The following MEIOC variants were observed in gnomAD, a reference collection of about 807,000 sequenced individuals.
MEIOC encodes the protein meiosis-specific coiled-coil domain-containing protein MEIOC.
A neutral mutation model predicts 85.3 loss-of-function variants in MEIOC; 9 were observed. That is an observed-to-expected ratio of 0.11 (90% confidence interval 0.06 to 0.18). The LOEUF is 0.18. MEIOC is among the 10% of genes least tolerant of loss of function. The pLI, the probability that MEIOC is intolerant of heterozygous loss-of-function variation, is 1.00. For missense variants in MEIOC, 898 were observed against 1,129.4 expected, an observed-to-expected ratio of 0.80 and a Z score of 2.94; for synonymous variants, 365 against 393.7, an observed-to-expected ratio of 0.93 and a Z score of 0.86.
At chr17:44,671,681 C>T (rs1972013283) in intron 6 of MEIOC, among the ~76,000 whole-genome samples, 1 of 151,906 alleles carries the variant, frequency 6.6e-6, no homozygotes, top group Non-Finnish European at 1.5e-5. Flanking sequence ...CCAAGGTGGG[C>T]GGATCACAAG....
chr17:44,665,257 T>C, intron 3 of MEIOC, 127 bp from the exon 4 acceptor site: 2 of 874,378 alleles, frequency 2.3e-6, no homozygotes, highest in African/African-American at 1.7e-5. Context: ...AGTTCTAGTC[T>C]CTTCTTTATT....
intron 2 of MEIOC, among the ~76,000 whole-genome samples, chr17:44,661,463 A>G (rs1046482598): frequency 6.6e-6 from 1 of 152,170 alleles, no homozygotes; most frequent in Non-Finnish European, 1.5e-5. Flanking sequence ...ACTGGATATG[A>G]TAATATATGT....
At chr17:44,671,467 T>C (rs1408661703) in intron 6 of MEIOC, among the ~76,000 whole-genome samples, 1 of 151,502 alleles carries the variant, frequency 6.6e-6, no homozygotes, top group African/African-American at 2.4e-5. Context: ...GGAGGATCAC[T>C]TGAGCCTGGG....
rs1972059453 is a variant in MEIOC, at chr17:44,675,187, G to A, written c.*991G>A. 2.0e-6 allele frequency: 2 copies of A among 984,484 alleles called. No individual in the cohort carries two copies. Among genetic ancestry groups the A allele is most frequent in the Admixed American group, 6.2e-5 (1 of 16,188 alleles). The allele number at this position is 984,484 out of a possible 1,614,324, so 61.0% of individuals were successfully genotyped here. A position where few individuals can be genotyped will look rare whatever the true frequency, so the allele number is the denominator to read the frequency against. ...AAGTTCTAAAATGTATTTTTTAAAG[G>A]TTAATCTCTAACTAGTTTAGCTTGC... On this transcript the variant is annotated 3_prime_UTR_variant, in exon 8 of 8. Transcript: ENST00000409122.
intron 7 of MEIOC, 52 bp from the exon 8 acceptor site, chr17:44,673,924 A>G: frequency 6.6e-7 from 1 of 1,522,626 alleles, no homozygotes; most frequent in Non-Finnish European, 8.9e-7. Flanking sequence ...AAGATTTAAC[A>G]GATATTTAAA....
intron 6 of MEIOC, among the ~76,000 whole-genome samples, chr17:44,672,797 G>T (rs2144677306): frequency 6.6e-6 from 1 of 152,256 alleles, no homozygotes; most frequent in East Asian, 1.9e-4. Flanking sequence ...AGTTTTGACA[G>T]TTACAGGAGT....
Position 44,667,063 on chromosome 17 carries a change from G to A in MEIOC, c.1152G>A (p.Glu384=). 6.2e-7 allele frequency: 1 copy of A among 1,613,740 alleles called. No homozygotes were observed. Residue 384 remains glutamate (E), a synonymous_variant, in exon 5 of 8, where the codon GAG becomes GAA. Transcript: ENST00000409122. ...VKPANQKKME[E]TIPDQQNFTF... is the part of the protein sequence containing the mutation. ...CAGCGAATCAGAAAAAAATGGAGGA[G>A]ACAATCCCTGATCAGCAGAATTTCA... is the stretch of plus-strand genomic sequence containing the variant.
intron 3 of MEIOC, among the ~76,000 whole-genome samples, chr17:44,662,683 G>T (rs914878953): frequency 9.2e-5 from 14 of 152,094 alleles, no homozygotes; most frequent in Admixed American, 9.2e-4. Context: ...ACAGGGTCTC[G>T]CTCTGTCACC....
chr17:44,666,616 A>G lies in MEIOC; in HGVS notation c.705A>G (p.Gln235=). 1.2e-6 allele frequency: 2 copies of G among 1,611,252 alleles called. No individual in the cohort carries two copies. The highest frequency in any genetic ancestry group is 1.7e-6 in the Non-Finnish European group (2 of 1,178,528). The change falls in exon 5 of 8, where the codon CAA becomes CAG. Residue 235 remains glutamine (Q), a synonymous_variant. Coordinates refer to ENST00000409122, the MANE Select transcript of MEIOC (RefSeq NM_001145080.3). The part of the protein sequence containing the change: ...HGFTGLDLEE[Q]WMYPSRSDHS... ...TTACTGGTTTAGATCTTGAAGAACA[A>G]TGGATGTACCCCTCACGAAGTGATC...
In MEIOC at chr17:44,667,572, A is replaced by G. The variant is rs377221459; in HGVS notation, c.1661A>G (p.Glu554Gly). ...SSFDFSYSGA[E>G]RIQSVNHIEG... is the part of the protein sequence containing the mutation. ...TTTGATTTTAGTTACAGTGGTGCAGAAAGAATCCAATCTGTCAATCACATA... is the reference window on the plus strand; with the variant it reads ...TTTGATTTTAGTTACAGTGGTGCAGGAAGAATCCAATCTGTCAATCACATA... Residue 554 changes from glutamate to glycine, a missense_variant, in exon 5 of 8, where the codon GAA becomes GGA. Physicochemically the swap from Glu to Gly is moderately conservative, Grantham distance 98. Coordinates refer to ENST00000409122, the MANE Select transcript of MEIOC (RefSeq NM_001145080.3). The G allele has an allele frequency of 1.2e-6, 2 of 1,613,790 alleles. No homozygotes were observed. The highest frequency in any genetic ancestry group is 2.7e-5 in the African/African-American group (2 of 74,942).
intron 6 of MEIOC, among the ~76,000 whole-genome samples, chr17:44,671,671 C>A (rs902197139): frequency 2.3e-4 from 35 of 152,148 alleles, no homozygotes; most frequent in Non-Finnish European, 4.6e-4. Context: ...CTTTGGGAGG[C>A]CAAGGTGGGC....
At position 44,656,522 on chromosome 17, in the gene MEIOC, T is replaced by C; in HGVS notation, c.-92T>C. On this transcript the variant is annotated 5_prime_UTR_variant, in exon 1 of 8. Coordinates refer to ENST00000409122, the MANE Select transcript of MEIOC (RefSeq NM_001145080.3). The stretch of plus-strand genomic sequence containing the variant: ...GGAGGCGGCTGCGGAGACGGCGGGG[T>C]GCGGGCTGAGGGAGCCGGGCCTGGA... 1.9e-6 allele frequency: 2 copies of C among 1,048,848 alleles called. No individual in the cohort carries two copies. The highest frequency in any genetic ancestry group is 2.5e-6 in the Non-Finnish European group (2 of 789,692). The allele number at this position is 1,048,848 out of a possible 1,614,324, so 65.0% of individuals were successfully genotyped here. A position where few individuals can be genotyped will look rare whatever the true frequency, so the allele number is the denominator to read the frequency against.
chr17:44,673,348 T>G lies in MEIOC; in HGVS notation c.2458-18T>G, dbSNP rs1419265527. The G allele has an allele frequency of 5.9e-6, 9 of 1,520,372 alleles. No individual in the cohort carries two copies. In the South Asian group the frequency reaches 1.0e-4, roughly 17 times the overall value. The allele number at this position is 1,520,372 out of a possible 1,614,324, so 94.2% of individuals were successfully genotyped here. On this transcript the variant is annotated intron_variant, in intron 6 of 7. Transcript: ENST00000409122. ...ATGGCAGGACATGTCTTATCAAAAT[T>G]TAAAATGCTTCCCTCAGGTTGTGAC... is the stretch of plus-strand genomic sequence containing the variant.
intron 6 of MEIOC, chr17:44,670,665 A>G (rs921081438): frequency 6.7e-6 from 1 of 149,212 alleles, no homozygotes; most frequent in African/African-American, 2.4e-5. Flanking sequence ...TAAGCCCCCA[A>G]ATAGCTGGGA....
In MEIOC at chr17:44,675,060, C is replaced by G; in HGVS notation, c.*864C>G. On this transcript the variant is annotated 3_prime_UTR_variant, in exon 8 of 8. Coordinates refer to ENST00000409122, the MANE Select transcript of MEIOC (RefSeq NM_001145080.3). ...TTTGCTGCCTTTTATGAGGGTGTCA[C>G]GAAGTTCTAAAATGTATTTTTTTAA... The G allele has an allele frequency of 1.0e-6, 1 of 985,138 alleles. No individual in the cohort carries two copies. Among genetic ancestry groups the G allele is most frequent in the Non-Finnish European group, 1.2e-6 (1 of 829,778 alleles). The allele number at this position is 985,138 out of a possible 1,614,324, so 61.0% of individuals were successfully genotyped here.
Position 44,674,983 on chromosome 17 carries a change from T to C in MEIOC, c.*787T>C. On this transcript the variant is annotated 3_prime_UTR_variant, in exon 8 of 8. Transcript: ENST00000409122. ...AAACATTCCCTTTATCTGGATCTTT[T>C]AGACTTGATGCACAGTAACTGAAAT... 1.0e-6 allele frequency: 1 copy of C among 983,246 alleles called. No homozygotes were observed. Among genetic ancestry groups the C allele is most frequent in the South Asian group, 4.7e-5 (1 of 21,248 alleles). The allele number at this position is 983,246 out of a possible 1,614,324, so 60.9% of individuals were successfully genotyped here. A position where few individuals can be genotyped will look rare whatever the true frequency, so the allele number is the denominator to read the frequency against.
chr17:44,667,029 A>G lies in MEIOC; in HGVS notation c.1118A>G (p.Gln373Arg), dbSNP rs779431275. 6.2e-7 allele frequency: 1 copy of G among 1,613,814 alleles called. No individual in the cohort carries two copies. Among genetic ancestry groups the G allele is most frequent in the Non-Finnish European group, 8.5e-7 (1 of 1,179,808 alleles). Residue 373 changes from glutamine to arginine, a missense_variant, in exon 5 of 8, where the codon CAG becomes CGG. Gln to Arg is a conservative substitution (Grantham distance 43, BLOSUM62 1). Around this residue, in one of 2 missense-constraint regions of MEIOC, gnomAD observed 734 missense variants for 860.1 expected, o/e 0.85. Transcript: ENST00000409122. ...GCAGACACCTACACAAAGTTATTTC[A>G]GGTTAAGCCAGCGAATCAGAAAAAA... Reference protein sequence around the residue: ...VEADTYTKLFQVKPANQKKME... With the variant: ...VEADTYTKLFRVKPANQKKME...
Position 44,674,263 on chromosome 17 carries a change from A to ATGAACT in MEIOC, c.*70_*75dup. On this transcript the variant is annotated 3_prime_UTR_variant, in exon 8 of 8. Transcript: ENST00000409122. ...ACCAAGACATGCTAAAAATGTTTTA[A>ATGAACT]TGAACTTGTCAAACTTTCAGTATGT... 10 of 1,478,086 alleles carry ATGAACT rather than the reference A, an allele frequency of 6.8e-6. No homozygotes were observed. Among genetic ancestry groups the ATGAACT allele is most frequent in the Non-Finnish European group, 9.0e-6 (10 of 1,115,316 alleles). 91.6% of individuals were successfully genotyped at this position (1,478,086 alleles called of 1,614,324 possible). A position where few individuals can be genotyped will look rare whatever the true frequency, so the allele number is the denominator to read the frequency against.
At chr17:44,660,620 G>T (rs1185541121) in intron 2 of MEIOC, among the ~76,000 whole-genome samples, 2 of 152,078 alleles carry the variant, frequency 1.3e-5, no homozygotes, top group Non-Finnish European at 2.9e-5. Flanking sequence ...TGCATCTCAG[G>T]TTTTAATAGT....
Sources: allele counts gnomAD v4.1 joint callset (sites outside exome capture counted in the v4.1 genomes callset), GRCh38; gene constraint gnomAD v4.1.1; regional missense constraint gnomAD v4.1.1; transcripts MANE v1.5; gene names NCBI Gene and HGNC (gene_info 2026-07-23, HGNC 2026-07-21).